The following HNRNPUL2 variants were observed in gnomAD, a reference collection of about 807,000 sequenced individuals.
HNRNPUL2 encodes the protein heterogeneous nuclear ribonucleoprotein U-like protein 2.
A neutral mutation model predicts 102.2 loss-of-function variants in HNRNPUL2; 27 were observed. The observed-to-expected ratio is 0.26, with a 90% confidence interval of 0.19 to 0.36. The LOEUF (loss-of-function observed/expected upper bound fraction) is 0.36, where lower values mean the gene tolerates loss of function less well. Ranked by LOEUF, HNRNPUL2 falls within the 10% of genes least tolerant of loss-of-function variation. The probability of loss-of-function intolerance (pLI) is 1.00; values close to 1 mark genes in which losing one functional copy is unlikely to be tolerated. For missense variants in HNRNPUL2, 936 were observed against 981.1 expected (o/e 0.95, Z 0.61); for synonymous variants, 458 against 387.2 (o/e 1.18, Z -2.15).
At position 62,721,334 on chromosome 11, in the gene HNRNPUL2, C is replaced by G. The variant is rs2119996; in HGVS notation, c.1572G>C (p.Gln524His). ...QASQCLSKLV[Q>H]IASRTKRNFI... The stretch of plus-strand genomic sequence containing the variant: ...AGTTCCTCTTTGTCCGGGAAGCAAT[C>G]TGGACCAGCTTACTAAGGCACTGGG... Residue 524 changes from glutamine to histidine, a missense_variant, in exon 9 of 14, where the codon CAG becomes CAC. Around this residue, in one of 2 missense-constraint regions of HNRNPUL2, gnomAD observed 609 missense variants for 713.0 expected, o/e 0.85. Coordinates refer to ENST00000301785, the MANE Select transcript of HNRNPUL2 (RefSeq NM_001079559.3). 64 of 1,609,220 alleles carry G rather than the reference C, an allele frequency of 4.0e-5. No homozygotes were observed. Among genetic ancestry groups the G allele is most frequent in the Non-Finnish European group, 5.3e-5 (63 of 1,178,602 alleles).
At chr11:62,718,655 T>C (rs2083677818) in intron 10 of HNRNPUL2, among the ~76,000 whole-genome samples, 1 of 144,568 alleles carries the variant, frequency 6.9e-6, no homozygotes, top group African/African-American at 2.6e-5. Flanking sequence ...ATCGCGCCAC[T>C]GTACTCCAAC....
Position 62,717,118 on chromosome 11 carries a change from C to T in HNRNPUL2, c.1852G>A (p.Ala618Thr). 3 of 1,614,206 alleles carry T rather than the reference C, an allele frequency of 1.9e-6. No individual in the cohort carries two copies. Among genetic ancestry groups the T allele is most frequent in the African/African-American group, 1.3e-5 (1 of 75,052 alleles). ...VTYGELEKEE[A>T]QPIVTKYKEE... The stretch of plus-strand genomic sequence containing the variant: ...TTGTACTTAGTGACAATGGGCTGAG[C>T]TTCCTCCTTCTCCAGCTCCCCATAT... The change falls in exon 11 of 14, where the codon GCT becomes ACT. Residue 618 changes from alanine to threonine, a missense_variant. Physicochemically the swap from Ala to Thr is moderately conservative, Grantham distance 58. Coordinates refer to ENST00000301785, the MANE Select transcript of HNRNPUL2 (RefSeq NM_001079559.3).
At position 62,724,445 on chromosome 11, in the gene HNRNPUL2, G is replaced by A. The variant is rs1565163579; in HGVS notation, c.539-19C>T. On this transcript the variant is annotated intron_variant, in intron 1 of 13. Coordinates refer to ENST00000301785, the MANE Select transcript of HNRNPUL2 (RefSeq NM_001079559.3). ...TCATCTCCTACAAAAACGAGGGAAA[G>A]AAAATCAGCAGTTTTCATACTGGAG... The A allele has an allele frequency of 6.2e-7, 1 of 1,614,076 alleles. No individual in the cohort carries two copies. The highest frequency in any genetic ancestry group is 1.1e-5 in the South Asian group (1 of 91,084).
chr11:62,722,264 G>A lies in HNRNPUL2; in HGVS notation c.1212C>T (p.Leu404=), dbSNP rs1031057100. 1.2e-6 allele frequency: 2 copies of A among 1,614,042 alleles called. No individual in the cohort carries two copies. The highest frequency in any genetic ancestry group is 1.3e-5 in the African/African-American group (1 of 74,898). The change falls in exon 7 of 14, where the codon CTC becomes CTT. Residue 404 remains leucine (L), a synonymous_variant. Transcript: ENST00000301785. ...TTAATTCTACAACACAATTTTTGCA[G>A]AGGACATGGGGTAGAAGGGCCCGGT... ...LADRALLPHV[L]CKNCVVELNF... is the part of the protein sequence containing the mutation.
Position 62,727,182 on chromosome 11 carries a change from CGCCGCCTCCT to C in HNRNPUL2, c.-36_-27del. 7.1e-7 allele frequency: 1 copy of C among 1,410,386 alleles called. No individual in the cohort carries two copies. Among genetic ancestry groups the C allele is most frequent in the South Asian group, 1.4e-5 (1 of 70,478 alleles). 87.4% of individuals were successfully genotyped at this position (1,410,386 alleles called of 1,614,324 possible). A position where few individuals can be genotyped will look rare whatever the true frequency, so the allele number is the denominator to read the frequency against. On this transcript the variant is annotated 5_prime_UTR_variant, in exon 1 of 14. Coordinates refer to ENST00000301785, the MANE Select transcript of HNRNPUL2 (RefSeq NM_001079559.3). ...CGCCGCCGCCGCCTCCTCCGCCTCCCGCCGCCTCCTCCCCTGCGAACCGTCGACCGAGTCC... is the reference window on the plus strand; with the variant it reads ...CGCCGCCGCCGCCTCCTCCGCCTCCCCCCCTGCGAACCGTCGACCGAGTCC...
intron 9 of HNRNPUL2, among the ~76,000 whole-genome samples, chr11:62,720,546 CAAAAAAAAAAAAAAAAAAAA>C (rs148876571): frequency 1.5e-4 from 20 of 131,594 alleles, no homozygotes; most frequent in Admixed American, 2.9e-4. Context: ...GATTCCATCT[CAAAAAAAAAAAAAAAAAAAA>C]AAAAAAAAGG....
intron 1 of HNRNPUL2, among the ~76,000 whole-genome samples, chr11:62,726,346 G>C (rs1490963577): frequency 6.6e-6 from 1 of 152,184 alleles, no homozygotes; most frequent in South Asian, 2.1e-4. Flanking sequence ...CTGTTCCACA[G>C]GTAGCTCACA....
intron 5 of HNRNPUL2, 30 bp from the exon 6 acceptor site, chr11:62,722,743 A>C: frequency 6.2e-7 from 1 of 1,606,956 alleles, no homozygotes; most frequent in Non-Finnish European, 8.5e-7. Context: ...AGTTACCTAC[A>C]ACCGGACTTC....
At chr11:62,717,535 G>A (rs1040545596) in intron 10 of HNRNPUL2, among the ~76,000 whole-genome samples, 2 of 152,208 alleles carry the variant, frequency 1.3e-5, no homozygotes, top group African/African-American at 4.8e-5. Flanking sequence ...GGTCAGATAA[G>A]ATGCTAAGAA....
chr11:62,717,167 T>C lies in HNRNPUL2; in HGVS notation c.1803A>G (p.Lys601=), dbSNP rs1313544209. 1.2e-6 allele frequency: 2 copies of C among 1,613,736 alleles called. No individual in the cohort carries two copies. The highest frequency in any genetic ancestry group is 1.7e-6 in the Non-Finnish European group (2 of 1,179,912). The change falls in exon 11 of 14, where the codon AAA becomes AAG. Residue 601 remains lysine (K), a synonymous_variant. Transcript: ENST00000301785. ...EMKANFSLPE[K]CDYMDEVTYG... The stretch of plus-strand genomic sequence containing the variant: ...ATGTCACCTCATCCATATAGTCGCA[T>C]TTTTCAGGCAAAGAGAAGTTGGCTA...
At chr11:62,715,691 A>G in intron 12 of HNRNPUL2, 84 bp from the exon 13 acceptor site, 2 of 1,144,982 alleles carry the variant, frequency 1.7e-6, no homozygotes, top group South Asian at 2.5e-5. Flanking sequence ...AATGCGACAC[A>G]TCTTAGCTCG....
chr11:62,727,285 A>C lies in HNRNPUL2; in HGVS notation c.-129T>G. On this transcript the variant is annotated 5_prime_UTR_variant, in exon 1 of 14. Coordinates refer to ENST00000301785, the MANE Select transcript of HNRNPUL2 (RefSeq NM_001079559.3). The stretch of plus-strand genomic sequence containing the variant: ...CGCCAGCACTGAGCCCGCGCGAGCG[A>C]GCGCACGCACGCAGGAGCGGAGGCC... 6.2e-6 allele frequency: 7 copies of C among 1,129,762 alleles called. No individual in the cohort carries two copies. The highest frequency in any genetic ancestry group is 6.7e-6 in the Non-Finnish European group (6 of 900,942). The allele number at this position is 1,129,762 out of a possible 1,614,324, so 70.0% of individuals were successfully genotyped here.
Position 62,723,627 on chromosome 11 carries a change from G to A in HNRNPUL2, c.851C>T (p.Thr284Ile). 1.9e-6 allele frequency: 3 copies of A among 1,613,886 alleles called. No homozygotes were observed. Among genetic ancestry groups the A allele is most frequent in the Non-Finnish European group, 2.5e-6 (3 of 1,179,862 alleles). ...GACTTTTCCCTTTGTCACTCCGTAA[G>A]TACTCCTTGCCCCAGACCAAAGGGT... is the stretch of plus-strand genomic sequence containing the variant. ...FPTLWSGARS[T>I]YGVTKGKVCF... Residue 284 changes from threonine (T) to isoleucine (I), a missense_variant, in exon 4 of 14, where the codon ACT becomes ATT. Physicochemically the swap from Thr to Ile is moderately conservative, Grantham distance 89 (BLOSUM62 -1). Coordinates refer to ENST00000301785, the MANE Select transcript of HNRNPUL2 (RefSeq NM_001079559.3).
intron 4 of HNRNPUL2, among the ~76,000 whole-genome samples, chr11:62,723,229 T>C (rs1472906414): frequency 6.6e-6 from 1 of 152,216 alleles, no homozygotes; most frequent in Non-Finnish European, 1.5e-5. Context: ...CGGTAGCTCA[T>C]GCCTGTAATC....
At chr11:62,726,501 T>C in intron 1 of HNRNPUL2, 118 bp downstream of exon 1, 4 of 1,061,860 alleles carry the variant, frequency 3.8e-6, no homozygotes, top group East Asian at 2.8e-5. Flanking sequence ...AGGAGTTCCA[T>C]CAAATGGCAC....
At position 62,723,664 on chromosome 11, in the gene HNRNPUL2, C is replaced by G. The variant is rs1460034967; in HGVS notation, c.814G>C (p.Glu272Gln). The change falls in exon 4 of 14, where the codon GAG becomes CAG. Residue 272 changes from glutamate to glutamine, a missense_variant. Physicochemically the swap from Glu to Gln is conservative, Grantham distance 29. Coordinates refer to ENST00000301785, the MANE Select transcript of HNRNPUL2 (RefSeq NM_001079559.3). ...DRYGGQPLFS[E>Q]KFPTLWSGAR... is the part of the protein sequence containing the mutation. ...CCAGACCAAAGGGTGGGGAACTTCT[C>G]TGAGAAAAGTGGCTGCCCTCCATAG... 15 of 1,614,092 alleles carry G rather than the reference C, an allele frequency of 9.3e-6. No individual in the cohort carries two copies. The highest frequency in any genetic ancestry group is 1.3e-5 in the African/African-American group (1 of 74,924).
intron 4 of HNRNPUL2, among the ~76,000 whole-genome samples, chr11:62,723,170 G>A (rs2083717121): frequency 1.3e-5 from 2 of 152,196 alleles, no homozygotes; most frequent in South Asian, 2.1e-4. Flanking sequence ...GTAGCTTAAT[G>A]AATAAATGAA....
chr11:62,721,981 T>C (rs2134777679), intron 7 of HNRNPUL2, 39 bp from the exon 8 acceptor site: 6 of 1,612,238 alleles, frequency 3.7e-6, no homozygotes, highest in Non-Finnish European at 5.1e-6. Context: ...GAAAAATAAA[T>C]GAGGGTCATG....
intron 10 of HNRNPUL2, among the ~76,000 whole-genome samples, chr11:62,717,501 A>C (rs536075777): frequency 1.3e-5 from 2 of 152,360 alleles, no homozygotes; most frequent in East Asian, 3.9e-4. Flanking sequence ...AGAGGCTAAA[A>C]GTAACTGAGA....
Sources: allele counts gnomAD v4.1 joint callset (sites outside exome capture counted in the v4.1 genomes callset), GRCh38; gene constraint gnomAD v4.1.1; regional missense constraint gnomAD v4.1.1; transcripts MANE v1.5; gene names NCBI Gene and HGNC (gene_info 2026-07-23, HGNC 2026-07-21).